ARHGEF10: variants seen among roughly 807,000 people sequenced by gnomAD.
ARHGEF10 encodes Rho guanine nucleotide exchange factor (GEF) 10.
A neutral mutation model predicts 147.4 loss-of-function variants in ARHGEF10; 140 were observed. The ratio of observed to expected loss-of-function variants is 0.95; its 90% CI spans 0.83 to 1.09. The LOEUF is 1.09. ARHGEF10 is among the 50% of genes least tolerant of loss of function. The pLI, the probability that ARHGEF10 is intolerant of heterozygous loss-of-function variation, is 0.00. For missense variants in ARHGEF10, 2,222 were observed against 1,752.7 expected, an observed-to-expected ratio of 1.27 and a Z score of -4.78; for synonymous variants, 902 against 695.8, an observed-to-expected ratio of 1.30 and a Z score of -4.67.
intron 3 of ARHGEF10, 149 bp from the exon 4 acceptor site, chr8:1,859,748 G>A (rs1805936870): frequency 1.3e-5 from 12 of 934,724 alleles, no homozygotes; most frequent in South Asian, 8.3e-5. Flanking sequence ...TGCTCCCTCC[G>A]AGGCCACCTG....
intron 11 of ARHGEF10, among the ~76,000 whole-genome samples, chr8:1,890,254 GT>G (rs1425304494): frequency 6.8e-6 from 1 of 146,038 alleles, no homozygotes; most frequent in African/African-American, 2.6e-5. Context: ...GGCACTGAGG[GT>G]TGTGGATTGT....
chr8:1,929,828 TGTGCCCTCGGTCCC>T (rs570665922), intron 25 of ARHGEF10, among the ~76,000 whole-genome samples: 150 of 152,282 alleles, frequency 9.9e-4, no homozygotes, highest in African/African-American at 3.5e-3. Flanking sequence ...GCCCCGGTGC[TGTGCCCTCGGTCCC>T]GTGCCCTCGG....
At chr8:1,839,207 G>T (rs1195403018) in intron 1 of ARHGEF10, among the ~76,000 whole-genome samples, 1 of 137,302 alleles carries the variant, frequency 7.3e-6, no homozygotes, top group East Asian at 2.3e-4. Context: ...GGACTGTTTT[G>T]TGTGGGGACT....
At chr8:1,841,829 G>GTCC (rs1804061940) in intron 1 of ARHGEF10, among the ~76,000 whole-genome samples, 3 of 97,800 alleles carry the variant, frequency 3.1e-5, no homozygotes, top group Non-Finnish European at 4.9e-5. Flanking sequence ...CGGGAACTGG[G>GTCC]GCCGCGACGG....
At chr8:1,841,024 C>G (rs10105984) in intron 1 of ARHGEF10, among the ~76,000 whole-genome samples, 1 of 151,818 alleles carries the variant, frequency 6.6e-6, no homozygotes, top group Non-Finnish European at 1.5e-5. Context: ...CTTGCCCCCT[C>G]TCCCGGCCGG....
intron 15 of ARHGEF10, among the ~76,000 whole-genome samples, chr8:1,902,298 G>A (rs537443609): frequency 2.6e-5 from 4 of 152,258 alleles, no homozygotes; most frequent in African/African-American, 7.2e-5. Context: ...GAATGTGAAC[G>A]AAAGCTGGGA....
intron 7 of ARHGEF10, among the ~76,000 whole-genome samples, chr8:1,875,430 C>G (rs1309593919): frequency 6.6e-6 from 1 of 152,132 alleles, no homozygotes; most frequent in Non-Finnish European, 1.5e-5. Flanking sequence ...TGTGGGTGAG[C>G]TCTCAGGATG....
intron 6 of ARHGEF10, among the ~76,000 whole-genome samples, chr8:1,868,572 T>G (rs1421300223): frequency 1.3e-5 from 2 of 152,190 alleles, no homozygotes; most frequent in African/African-American, 2.4e-5. Context: ...ATGAAACGGT[T>G]TCACTTTCAC....
In ARHGEF10 at chr8:1,958,252, C is replaced by G. The variant is rs545896254; in HGVS notation, c.*989C>G. 1.3e-5 allele frequency: 2 copies of G among 152,244 alleles called. No individual in the cohort carries two copies. Among genetic ancestry groups the G allele is most frequent in the African/African-American group, 2.4e-5 (1 of 41,468 alleles). The allele number at this position is 152,244 out of a possible 1,614,324, so 9.4% of individuals were successfully genotyped here. ...GGACTCAGGCCAAGAGGCGTGACCT[C>G]GGGCCAGCCTGTCTGTTGTGCAGAC... On this transcript the variant is annotated 3_prime_UTR_variant, in exon 29 of 29. Transcript: ENST00000349830.
chr8:1,848,355 C>T (rs1263691986), intron 2 of ARHGEF10, among the ~76,000 whole-genome samples: 1 of 152,100 alleles, frequency 6.6e-6, no homozygotes, highest in Non-Finnish European at 1.5e-5. Flanking sequence ...GATGGGGTCT[C>T]GTGGCCAGCA....
chr8:1,939,543 C>T (rs897651421), intron 26 of ARHGEF10, among the ~76,000 whole-genome samples: 39 of 152,356 alleles, frequency 2.6e-4, no homozygotes, highest in Admixed American at 4.6e-4. Flanking sequence ...ACGAGTTTCA[C>T]GACGGCAGCA....
At chr8:1,869,076 C>T in intron 6 of ARHGEF10, 118 bp from the exon 7 acceptor site, 2 of 983,340 alleles carry the variant, frequency 2.0e-6, no homozygotes, top group Non-Finnish European at 3.3e-6. Flanking sequence ...AAAAACTACC[C>T]TTATAAACCA....
At chr8:1,927,305 G>T (rs1035849182) in intron 23 of ARHGEF10, 7 of 152,270 alleles carry the variant, frequency 4.6e-5, no homozygotes, top group African/African-American at 1.7e-4. Context: ...CCTGTAGGCA[G>T]GACAGGGGCT....
intron 18 of ARHGEF10, among the ~76,000 whole-genome samples, chr8:1,911,641 A>T (rs561116179): frequency 6.6e-6 from 1 of 152,252 alleles, no homozygotes; most frequent in East Asian, 1.9e-4. Context: ...ACACGTCTGG[A>T]TTCATCCAGG....
In ARHGEF10 at chr8:1,925,305, G is replaced by A; in HGVS notation, c.2511G>A (p.Trp837Ter). 3 of 1,614,200 alleles carry A rather than the reference G, an allele frequency of 1.9e-6. No individual in the cohort carries two copies. Among genetic ancestry groups the A allele is most frequent in the Non-Finnish European group, 2.5e-6 (3 of 1,180,038 alleles). The change falls in exon 22 of 29, where the codon TGG (tryptophan) becomes TGA (stop). Residue 837 changes from tryptophan (W) to a stop codon, truncating the protein, a stop_gained. Coordinates refer to ENST00000349830, the MANE Select transcript of ARHGEF10 (RefSeq NM_014629.4). LOFTEE classifies it high-confidence loss of function. ...LALEEENHMG[W>*]FCVEDDGNHI... ...CAGAAGAGGAGAACCACATGGGCTG[G>A]TTCTGTGTGGAAGACGATGGGAATC...
intron 26 of ARHGEF10, among the ~76,000 whole-genome samples, chr8:1,942,410 C>G (rs1220722233): frequency 1.3e-5 from 2 of 151,860 alleles, no homozygotes; most frequent in Non-Finnish European, 2.9e-5. Context: ...CAGTGAGACA[C>G]TGTGTCACAC....
intron 8 of ARHGEF10, among the ~76,000 whole-genome samples, 170 bp from the exon 9 acceptor site, chr8:1,879,878 G>C (rs1157377919): frequency 1.3e-5 from 2 of 152,060 alleles, no homozygotes; most frequent in African/African-American, 2.4e-5. Flanking sequence ...TATCTCTCAA[G>C]GACCAACTGG....
At chr8:1,883,315 T>G (rs183429421) in intron 10 of ARHGEF10, among the ~76,000 whole-genome samples, 26 of 152,130 alleles carry the variant, frequency 1.7e-4, no homozygotes, top group Admixed American at 7.9e-4. Flanking sequence ...CGAGGAGACT[T>G]CTCGGAGCCT....
At chr8:1,921,650 G>A (rs542986514) in intron 18 of ARHGEF10, among the ~76,000 whole-genome samples, 3 of 152,174 alleles carry the variant, frequency 2.0e-5, no homozygotes, top group East Asian at 1.9e-4. Flanking sequence ...CAGGAGAATC[G>A]TTTGAACCCG....
Sources: gnomAD v4.1 joint callset for allele counts (sites outside exome capture counted in the v4.1 genomes callset) on GRCh38, gnomAD v4.1.1 for gene constraint, MANE v1.5 for transcripts, NCBI Gene and HGNC (gene_info 2026-07-23, HGNC 2026-07-21) for gene names.